The following RELA variants were observed in gnomAD, a reference collection of about 807,000 sequenced individuals.
RELA encodes the protein RELA proto-oncogene, NF-kB subunit.
Under a neutral mutation model 56.7 loss-of-function variants are expected in RELA, and 14 were observed. The ratio of observed to expected loss-of-function variants is 0.25; its 90% CI spans 0.16 to 0.39. The LOEUF (loss-of-function observed/expected upper bound fraction) is 0.39. RELA is among the 10% of genes least tolerant of loss of function. The probability of loss-of-function intolerance (pLI) is 1.00; values close to 1 mark genes in which losing one functional copy is unlikely to be tolerated. For missense variants in RELA, 559 were observed against 736.4 expected (o/e 0.76, Z 2.79); for synonymous variants, 315 against 289.7 (o/e 1.09, Z -0.89).
intron 3 of RELA, 25 bp from the exon 4 acceptor site, chr11:65,661,860 C>T: frequency 6.2e-7 from 1 of 1,602,466 alleles, no homozygotes; most frequent in Non-Finnish European, 8.5e-7. Context: ...GAGGCCCAGA[C>T]ATCCAAACCT....
chr11:65,659,953 G>T, intron 5 of RELA, 156 bp from the exon 6 acceptor site: 2 of 1,182,742 alleles, frequency 1.7e-6, no homozygotes, highest in Non-Finnish European at 2.4e-6. Flanking sequence ...ACTGTGGCCT[G>T]AATGTCATGT....
intron 10 of RELA, chr11:65,655,367 T>G: frequency 1.7e-6 from 1 of 573,552 alleles, no homozygotes; most frequent in Non-Finnish European, 3.1e-6. Flanking sequence ...GCTTGTCAGT[T>G]TTTGAGCCTC....
chr11:65,659,621 T>C (rs1399381541), intron 6 of RELA, 45 bp downstream of exon 6: 2 of 1,610,168 alleles, frequency 1.2e-6, no homozygotes, highest in Non-Finnish European at 1.7e-6. Context: ...CTTCCTCCTA[T>C]TCAGGCCCAC....
chr11:65,662,957 G>A (rs1856613352), upstream of RELA: 3 of 795,212 alleles, frequency 3.8e-6, no homozygotes, highest in Non-Finnish European at 4.9e-6. Context: ...CCGGAATCCG[G>A]CCGCGCCTGC....
chr11:65,655,945 T>G lies in RELA; in HGVS notation c.878-10A>C, dbSNP rs1856416259. 2 of 1,613,272 alleles carry G rather than the reference T, an allele frequency of 1.2e-6. No homozygotes were observed. Among genetic ancestry groups the G allele is most frequent in the Non-Finnish European group, 1.7e-6 (2 of 1,179,502 alleles). On this transcript the variant is annotated splice_polypyrimidine_tract_variant and intron_variant, in intron 8 of 10. Coordinates refer to ENST00000406246, the MANE Select transcript of RELA (RefSeq NM_021975.4). ...ATCCGGTGACGATCGTCTGGGAAAGTAAGGGGGAGAAGTGGGACTTGCTCT... is the reference window on the plus strand; with the variant it reads ...ATCCGGTGACGATCGTCTGGGAAAGGAAGGGGGAGAAGTGGGACTTGCTCT...
rs1350623782 is a variant in RELA at position 65,658,486 on chromosome 11, C to T, written c.678G>A (p.Val226=). 2.5e-6 allele frequency: 4 copies of T among 1,608,594 alleles called. No homozygotes were observed. The highest frequency in any genetic ancestry group is 1.7e-5 in the Admixed American group (1 of 59,678). The change falls in exon 8 of 11, where the codon GTG becomes GTA. Residue 226 remains valine (V), a synonymous_variant. Transcript: ENST00000406246. The surrounding 1 kb of genome is among the most constrained non-coding windows in gnomAD (Gnocchi z 4.5). ...CCTCCCAGCCTGGTCCCGTGAAATA[C>T]ACCTCAATGTCCTCTGCAGGAGATG... ...CDKVQKEDIE[V]YFTGPGWEAR...
chr11:65,663,668 G>A (rs936344930), upstream of RELA, among the ~76,000 whole-genome samples: 8 of 152,304 alleles, frequency 5.3e-5, no homozygotes, highest in Admixed American at 2.0e-4. Flanking sequence ...GAAGCCTGGC[G>A]CTTGTGTCTC....
chr11:65,654,452 G>T lies in RELA; in HGVS notation c.1582C>A (p.Leu528Ile), dbSNP rs201037601. The T allele has an allele frequency of 2.5e-5, 41 of 1,609,030 alleles. No homozygotes were observed. In the Admixed American group the frequency reaches 7.0e-4, roughly 27 times the overall value. ...LGAPGLPNGL[L>I]SGDEDFSSIA... Reference sequence around the variant, plus strand: ...GAGGAGAAGTCTTCATCTCCTGAAAGGAGGCCATTGGGGAGCCCCGGGGCC... The same window carrying T: ...GAGGAGAAGTCTTCATCTCCTGAAATGAGGCCATTGGGGAGCCCCGGGGCC... Residue 528 changes from leucine to isoleucine, a missense_variant, in exon 11 of 11, where the codon CTT becomes ATT. This residue lies in a region of RELA where 365 missense variants were observed against 387.5 expected (regional missense o/e 0.94). Transcript: ENST00000406246.
Position 65,654,574 on chromosome 11 carries a change from T to G in RELA, c.1460A>C (p.His487Pro), listed in dbSNP as rs777658303. Residue 487 changes from histidine to proline, a missense_variant, in exon 11 of 11, where the codon CAC (histidine) becomes CCC (proline). Coordinates refer to ENST00000406246, the MANE Select transcript of RELA (RefSeq NM_021975.4). ...CTCCATCAGCATGGGCTCAGTTGTG[T>G]GGGGGGCCACAGGTATGCCCTGGTT... is the stretch of plus-strand genomic sequence containing the variant. ...LLNQGIPVAP[H>P]TTEPMLMEYP... 2 of 1,613,532 alleles carry G rather than the reference T, an allele frequency of 1.2e-6. No homozygotes were observed. Among genetic ancestry groups the G allele is most frequent in the Non-Finnish European group, 1.7e-6 (2 of 1,179,798 alleles).
intron 4 of RELA, 48 bp downstream of exon 4, chr11:65,661,639 C>T (rs779259146): frequency 1.3e-5 from 20 of 1,514,322 alleles, no homozygotes; most frequent in Non-Finnish European, 1.5e-5. Context: ...CTTCATAGCC[C>T]GCCTCCTGTC....
chr11:65,657,960 G>A (rs1410420291), intron 8 of RELA, among the ~76,000 whole-genome samples: 2 of 152,176 alleles, frequency 1.3e-5, no homozygotes, highest in East Asian at 1.9e-4. Flanking sequence ...GATGGCCTGG[G>A]TTCCAACGCT....
In RELA at chr11:65,658,433, A is replaced by C. The variant is rs1474354942; in HGVS notation, c.731T>G (p.Val244Gly). The change falls in exon 8 of 11, where the codon GTG becomes GGG. Residue 244 changes from valine (V) to glycine (G), a missense_variant. Coordinates refer to ENST00000406246, the MANE Select transcript of RELA (RefSeq NM_021975.4). The surrounding 1 kb of genome is among the most constrained non-coding windows in gnomAD (Gnocchi z 4.5). ...EARGSFSQAD[V>G]HRQVAIVFRT... ...GAACACAATGGCCACTTGTCGGTGC[A>C]CATCAGCTTGCGAAAAGGAGCCTCG... 1 of 1,613,518 alleles carries C rather than the reference A, an allele frequency of 6.2e-7. No homozygotes were observed. Among genetic ancestry groups the C allele is most frequent in the Non-Finnish European group, 8.5e-7 (1 of 1,179,590 alleles).
rs779283469 is a variant in RELA, at chr11:65,654,326, G to A, written c.*52C>T. On this transcript the variant is annotated 3_prime_UTR_variant, in exon 11 of 11. Coordinates refer to ENST00000406246, the MANE Select transcript of RELA (RefSeq NM_021975.4). ...ACCAGAATCCGTAAGTGCTTTTGGAGGGCTTCAATCCCCTGCAACCCAGTG... is the reference window on the plus strand; with the variant it reads ...ACCAGAATCCGTAAGTGCTTTTGGAAGGCTTCAATCCCCTGCAACCCAGTG... 29 of 1,612,690 alleles carry A rather than the reference G, an allele frequency of 1.8e-5. No homozygotes were observed. The highest frequency in any genetic ancestry group is 1.8e-4 in the South Asian group (16 of 90,620).
At position 65,654,871 on chromosome 11, in the gene RELA, G is replaced by A. The variant is rs1413493308; in HGVS notation, c.1163C>T (p.Pro388Leu). ...ALAPAPPQVL[P>L]QAPAPAPAPA... ...AGCAGGGGCAGGGGCTGGAGCCTGG[G>A]GCAGGACTTGGGGAGGGGCCGGGGC... Residue 388 changes from proline (P) to leucine (L), a missense_variant, in exon 11 of 11, where the codon CCC becomes CTC. Transcript: ENST00000406246. The A allele has an allele frequency of 1.1e-5, 17 of 1,573,116 alleles. No individual in the cohort carries two copies. The East Asian group carries it at 1.6e-4, about 15-fold the overall frequency.
chr11:65,661,562 G>A (rs1324589042), intron 4 of RELA, 125 bp downstream of exon 4: 6 of 843,512 alleles, frequency 7.1e-6, no homozygotes, highest in South Asian at 1.9e-5. Context: ...TACTTGCAGA[G>A]CTGAGTCAGG....
intron 5 of RELA, 86 bp from the exon 6 acceptor site, chr11:65,659,883 G>A (rs1590937170): frequency 6.7e-7 from 1 of 1,484,978 alleles, no homozygotes; most frequent in Admixed American, 2.1e-5. Flanking sequence ...GCGCTGGGAG[G>A]GCCGCTGGTG....
In RELA at chr11:65,662,816, G is replaced by A. The variant is rs1856608471; in HGVS notation, c.7+10C>T. 1.7e-6 allele frequency: 2 copies of A among 1,200,578 alleles called. No individual in the cohort carries two copies. Among genetic ancestry groups the A allele is most frequent in the African/African-American group, 1.6e-5 (1 of 63,154 alleles). The allele number at this position is 1,200,578 out of a possible 1,614,324, so 74.4% of individuals were successfully genotyped here. The stretch of plus-strand genomic sequence containing the variant: ...CGATGCCACCCCGCGGGGTCAGAGG[G>A]CGACCTCACCGTCCATGGCCGGGGT... On this transcript the variant is annotated intron_variant, in intron 1 of 10. Coordinates refer to ENST00000406246, the MANE Select transcript of RELA (RefSeq NM_021975.4).
intron 5 of RELA, 48 bp downstream of exon 5, chr11:65,660,076 G>A: frequency 6.4e-7 from 1 of 1,556,830 alleles, no homozygotes; most frequent in Non-Finnish European, 8.9e-7. Flanking sequence ...AAGGCGGGCT[G>A]GGGAGGGTGA....
At position 65,654,852 on chromosome 11, in the gene RELA, G is replaced by A; in HGVS notation, c.1182C>T (p.Ala394=). The A allele has an allele frequency of 1.3e-6, 2 of 1,560,784 alleles. No homozygotes were observed. Among genetic ancestry groups the A allele is most frequent in the Non-Finnish European group, 8.7e-7 (1 of 1,149,354 alleles). ...PQVLPQAPAP[A]PAPAMVSALA... Reference sequence around the variant, plus strand: ...GAGCTGATACCATGGCTGGAGCAGGGGCAGGGGCTGGAGCCTGGGGCAGGA... The same window carrying A: ...GAGCTGATACCATGGCTGGAGCAGGAGCAGGGGCTGGAGCCTGGGGCAGGA... Residue 394 remains alanine, a synonymous_variant, in exon 11 of 11, where the codon GCC becomes GCT. Transcript: ENST00000406246.
Sources: gnomAD v4.1 joint callset for allele counts (sites outside exome capture counted in the v4.1 genomes callset) on GRCh38, gnomAD v4.1.1 for gene constraint, gnomAD v4.1.1 regional missense constraint, Gnocchi (gnomAD v3.1) non-coding constraint, MANE v1.5 for transcripts, NCBI Gene and HGNC (gene_info 2026-07-23, HGNC 2026-07-21) for gene names.